TTC34: variants seen among roughly 807,000 people sequenced by gnomAD.
The protein encoded by TTC34 is tetratricopeptide repeat protein 34.
TTC34 carries 44 observed loss-of-function variants against 40.7 expected under a neutral mutation model. That is an observed-to-expected ratio of 1.08 (90% confidence interval 0.85 to 1.39). The LOEUF is 1.39. Among genes scored for constraint, TTC34 ranks in the 40% most tolerant of loss-of-function variants. The probability of loss-of-function intolerance (pLI) is 0.00; values close to 1 mark genes in which losing one functional copy is unlikely to be tolerated. For synonymous variants in TTC34, 422 were observed against 398.6 expected (o/e 1.06, Z -0.70); for missense variants, 884 against 838.0 (o/e 1.05, Z -0.68).
At position 2,644,146 on chromosome 1, in the gene TTC34, C is replaced by A; in HGVS notation, c.2712+118G>T. ...GCCTCCCACCCCACCCCAAACCTAA[C>A]TGAAATCAACCCAACCGCAGAGAGT... is the stretch of plus-strand genomic sequence containing the variant. On this transcript the variant is annotated intron_variant, in intron 8 of 8. Transcript: ENST00000401095. 2.6e-6 allele frequency: 3 copies of A among 1,137,134 alleles called. No homozygotes were observed. The South Asian group carries it at 4.5e-5, about 17-fold the overall frequency. The allele number at this position is 1,137,134 out of a possible 1,614,324, so 70.4% of individuals were successfully genotyped here.
chr1:2,698,567 CCCCCA>C (rs1640975978), intron 6 of TTC34, among the ~76,000 whole-genome samples: 3 of 104,606 alleles, frequency 2.9e-5, no homozygotes, highest in Non-Finnish European at 6.2e-5. Context: ...AGCACCCACA[CCCCCA>C]GATGAGCATC....
chr1:2,655,553 G>C (rs1354345706), intron 6 of TTC34, among the ~76,000 whole-genome samples: 3 of 129,440 alleles, frequency 2.3e-5, no homozygotes, highest in Admixed American at 9.0e-5. Context: ...GCATCTGACA[G>C]CCTGCAACAG....
chr1:2,751,797 C>A lies in TTC34; in HGVS notation c.2226+31812G>T, dbSNP rs1435428572. 2.5e-5 allele frequency among the ~76,000 whole-genome samples: 3 copies of A among 119,872 alleles called. 1 individual carries two copies. Among genetic ancestry groups the A allele is most frequent in the African/African-American group, 1.1e-4 (3 of 26,740 alleles). 78.6% of individuals were successfully genotyped at this position (119,872 alleles called of 152,430 possible). A position where few individuals can be genotyped will look rare whatever the true frequency, so the allele number is the denominator to read the frequency against. ...CAGGTGAGCATCTGACAGCCTGGAGCAGCAGCCACATCCCCAGGTGAGAAT... is the reference window on the plus strand; with the variant it reads ...CAGGTGAGCATCTGACAGCCTGGAGAAGCAGCCACATCCCCAGGTGAGAAT... On this transcript the variant is annotated intron_variant, in intron 6 of 8. Transcript: ENST00000401095.
At chr1:2,642,939 C>T (rs1638936996) in intron 8 of TTC34, among the ~76,000 whole-genome samples, 1 of 152,246 alleles carries the variant, frequency 6.6e-6, no homozygotes, top group Non-Finnish European at 1.5e-5. Flanking sequence ...GGCTCGAAAC[C>T]CCGTCCCTCG....
Position 2,645,592 on chromosome 1 carries a change from G to T in TTC34, c.2227-29C>A. The T allele has an allele frequency of 6.9e-7, 1 of 1,446,000 alleles. No homozygotes were observed. The highest frequency in any genetic ancestry group is 1.4e-5 in the South Asian group (1 of 69,654). The allele number at this position is 1,446,000 out of a possible 1,614,324, so 89.6% of individuals were successfully genotyped here. ...CAAGGAGGGAGGGCGGGCGGGTGCA[G>T]AGTTGTCCTAAGTAGAGAAACTGGG... On this transcript the variant is annotated intron_variant, in intron 6 of 8. Transcript: ENST00000401095. The surrounding 1 kb of genome is among the most constrained non-coding windows in gnomAD (Gnocchi z 4.7).
intron 6 of TTC34, among the ~76,000 whole-genome samples, chr1:2,700,174 C>G (rs538125652): frequency 2.0e-5 from 2 of 101,686 alleles, no homozygotes; most frequent in Non-Finnish European, 2.4e-5. Context: ...ACATACTCCC[C>G]CAGGTGAGCA....
chr1:2,645,342 T>G lies in TTC34; in HGVS notation c.2448A>C (p.Ser816=), dbSNP rs1357385499. 4.6e-6 allele frequency: 7 copies of G among 1,526,256 alleles called. No individual in the cohort carries two copies. In the East Asian group the frequency reaches 1.7e-4, roughly 38 times the overall value. The allele number at this position is 1,526,256 out of a possible 1,614,324, so 94.5% of individuals were successfully genotyped here. A position where few individuals can be genotyped will look rare whatever the true frequency, so the allele number is the denominator to read the frequency against. ...GGAGGAGGTGCCAGTGCGGTTGCCC[T>G]GAGTCGATTTTGATCAGCGCCTCCC... The change falls in exon 7 of 9, where the codon TCA becomes TCC. Residue 816 remains serine (S), a synonymous_variant. Coordinates refer to ENST00000401095, the Ensembl canonical transcript of TTC34. The surrounding 1 kb of genome is among the most constrained non-coding windows in gnomAD (Gnocchi z 4.7).
At chr1:2,691,582 TGCCCAGG>T (rs1640619826) in intron 6 of TTC34, among the ~76,000 whole-genome samples, 2 of 61,564 alleles carry the variant, frequency 3.2e-5, no homozygotes, top group Non-Finnish European at 7.2e-5. Context: ...AGCACCCACA[TGCCCAGG>T]TGAGACCCTG....
rs1451096059 is a variant in TTC34, at chr1:2,760,956, G to A, written c.2226+22653C>T. 6.3e-5 allele frequency among the ~76,000 whole-genome samples: 3 copies of A among 47,348 alleles called. 1 individual carries two copies. Among genetic ancestry groups the A allele is most frequent in the Non-Finnish European group, 1.0e-4 (3 of 29,268 alleles). 31.1% of individuals were successfully genotyped at this position (47,348 alleles called of 152,430 possible). On this transcript the variant is annotated intron_variant, in intron 6 of 8. Transcript: ENST00000401095. The stretch of plus-strand genomic sequence containing the variant: ...TGAGCATCTGACAGCCTGGAGCAGC[G>A]TCCACACCCCCAGGTGAGCATCTGA...
At chr1:2,681,067 C>A (rs1351170525) in intron 6 of TTC34, among the ~76,000 whole-genome samples, 1 of 74,818 alleles carries the variant, frequency 1.3e-5, no homozygotes, top group East Asian at 3.1e-4. Flanking sequence ...CCCACACACC[C>A]AGGCGAGCAT....
At chr1:2,674,964 A>C (rs1639844184) in intron 6 of TTC34, among the ~76,000 whole-genome samples, 1 of 118,436 alleles carries the variant, frequency 8.4e-6, no homozygotes. Flanking sequence ...CCCATAGCCC[A>C]TGGTGAGCAC....
In TTC34 at chr1:2,688,562, C is replaced by G. The variant is rs1460031598; in HGVS notation, c.2227-42999G>C. Reference sequence around the variant, plus strand: ...GCGAGCACCTGAACCCACGGAGCAGCACCCACACCTTCCGGCGCGCATCCG... The same window carrying G: ...GCGAGCACCTGAACCCACGGAGCAGGACCCACACCTTCCGGCGCGCATCCG... On this transcript the variant is annotated intron_variant, in intron 6 of 8. Transcript: ENST00000401095. Among the ~76,000 whole-genome samples the G allele has an allele frequency of 2.1e-5, 3 of 143,606 alleles. 1 individual carries two copies. Among genetic ancestry groups the G allele is most frequent in the African/African-American group, 8.6e-5 (3 of 34,926 alleles). The allele number at this position is 143,606 out of a possible 152,430, so 94.2% of individuals were successfully genotyped here.
chr1:2,684,959 C>G (rs532702476), intron 6 of TTC34, among the ~76,000 whole-genome samples: 168 of 141,806 alleles, frequency 1.2e-3, no homozygotes, highest in Non-Finnish European at 2.2e-3. Flanking sequence ...CACCCACACC[C>G]CCAGACGAGC....
intron 5 of TTC34, among the ~76,000 whole-genome samples, chr1:2,785,508 A>C (rs1643571272): frequency 1.3e-5 from 2 of 152,130 alleles, no homozygotes. Flanking sequence ...CCTTGTCATT[A>C]GCTAGGAAAG....
intron 6 of TTC34, among the ~76,000 whole-genome samples, chr1:2,685,164 C>A (rs200794152): frequency 1.4e-4 from 2 of 14,204 alleles, no homozygotes; most frequent in African/African-American, 6.1e-4. Context: ...CACAACCCCA[C>A]GTGAGCATCT....
chr1:2,652,440 C>G (rs1159357265), intron 6 of TTC34, among the ~76,000 whole-genome samples: 2 of 151,996 alleles, frequency 1.3e-5, no homozygotes. Context: ...GAACAGCACC[C>G]ACACCCCCAG....
chr1:2,674,667 G>A (rs1162433781), intron 6 of TTC34, among the ~76,000 whole-genome samples: 61 of 4,656 alleles, frequency 0.013, no homozygotes, highest in Non-Finnish European at 0.019. Flanking sequence ...ACAGCCTGGA[G>A]CAGCACCCAC....
chr1:2,685,842 C>G (rs1570812237), intron 6 of TTC34, among the ~76,000 whole-genome samples: 1 of 150,408 alleles, frequency 6.6e-6, no homozygotes, highest in African/African-American at 2.5e-5. Context: ...CCCCCATGCC[C>G]AGGTGAGCCT....
chr1:2,690,700 T>C (rs370592626), intron 6 of TTC34, among the ~76,000 whole-genome samples: 8 of 50,412 alleles, frequency 1.6e-4, no homozygotes, highest in African/African-American at 3.5e-4. Context: ...GCACCCCACA[T>C]CCCCGGGTGA....
Sources: allele counts gnomAD v4.1 joint callset (sites outside exome capture counted in the v4.1 genomes callset), GRCh38; gene constraint gnomAD v4.1.1; non-coding constraint Gnocchi (gnomAD v3.1); transcripts MANE v1.5; gene names NCBI Gene and HGNC (gene_info 2026-07-23, HGNC 2026-07-21).